CCDC171: variants seen among roughly 807,000 people sequenced by gnomAD.
CCDC171 encodes the protein coiled-coil domain-containing protein 171.
Under a neutral mutation model 168.2 loss-of-function variants are expected in CCDC171, and 177 were observed. The ratio of observed to expected loss-of-function variants is 1.05; its 90% CI spans 0.93 to 1.19. The LOEUF is 1.19. CCDC171 is among the 50% of genes most tolerant of loss of function. The pLI, the probability that CCDC171 is intolerant of heterozygous loss-of-function variation, is 0.00. For synonymous variants in CCDC171, 687 were observed against 540.8 expected (o/e 1.27, Z -3.75); for missense variants, 1,991 against 1,539.0 (o/e 1.29, Z -4.91).
At chr9:15,556,072 C>G (rs2038771746) in intron 1 of CCDC171, among the ~76,000 whole-genome samples, 1 of 152,152 alleles carries the variant, frequency 6.6e-6, no homozygotes. Flanking sequence ...TTTTCTTAAT[C>G]CAGTCTATCA....
intron 11 of CCDC171, among the ~76,000 whole-genome samples, chr9:15,701,704 A>T (rs186747997): frequency 6.6e-6 from 1 of 151,944 alleles, no homozygotes; most frequent in Non-Finnish European, 1.5e-5. Flanking sequence ...ATTGAGGTCA[A>T]TTGTCTCAGA....
intron 9 of CCDC171, among the ~76,000 whole-genome samples, chr9:15,673,742 C>T (rs1198477257): frequency 2.0e-5 from 3 of 152,120 alleles, no homozygotes; most frequent in Non-Finnish European, 4.4e-5. Flanking sequence ...CTGCTGGATT[C>T]AGTTTGCCAG....
intron 24 of CCDC171, among the ~76,000 whole-genome samples, chr9:15,882,860 ATTTG>A (rs1226744935): frequency 8.0e-6 from 1 of 125,542 alleles, no homozygotes; most frequent in Non-Finnish European, 1.8e-5. Flanking sequence ...TAGGTTTTTT[ATTTG>A]TTTGTTTGAT....
chr9:15,755,645 T>C (rs1193055841), intron 18 of CCDC171, among the ~76,000 whole-genome samples: 2 of 152,186 alleles, frequency 1.3e-5, no homozygotes, highest in African/African-American at 4.8e-5. Flanking sequence ...TGCTACATGC[T>C]ATAATGTGAA....
At chr9:15,692,331 C>G (rs1347716371) in intron 10 of CCDC171, among the ~76,000 whole-genome samples, 1 of 150,912 alleles carries the variant, frequency 6.6e-6, no homozygotes, top group Non-Finnish European at 1.5e-5. Flanking sequence ...CGAGATTGTT[C>G]TACAACCTGG....
chr9:15,671,979 A>G (rs1421440043), intron 9 of CCDC171, among the ~76,000 whole-genome samples: 4 of 152,172 alleles, frequency 2.6e-5, no homozygotes, highest in Admixed American at 2.0e-4. Context: ...GTGTCAAAGC[A>G]TTCCTATTTC....
intron 25 of CCDC171, among the ~76,000 whole-genome samples, chr9:15,948,960 A>G (rs954099635): frequency 6.6e-6 from 1 of 152,176 alleles, no homozygotes; most frequent in Admixed American, 6.5e-5. Context: ...TTTTAGGTCT[A>G]ACATTTAAGT....
intron 4 of CCDC171, among the ~76,000 whole-genome samples, chr9:15,585,961 G>C (rs1434204505): frequency 2.0e-5 from 3 of 152,138 alleles, no homozygotes; most frequent in Non-Finnish European, 4.4e-5. Flanking sequence ...GGATGACAGA[G>C]TGAGACTCTG....
chr9:15,689,790 T>C (rs1187243769), intron 10 of CCDC171, among the ~76,000 whole-genome samples: 2 of 152,178 alleles, frequency 1.3e-5, no homozygotes, highest in African/African-American at 4.8e-5. Context: ...CACGTTCCAA[T>C]TTTAAAGCTA....
At chr9:16,033,746 A>G (rs1235143037) in intron 6 of CCDC171, among the ~76,000 whole-genome samples, 1 of 151,768 alleles carries the variant, frequency 6.6e-6, no homozygotes, top group Non-Finnish European at 1.5e-5. Context: ...TGGTGCCGAA[A>G]AGGTTGGGGA....
intron 16 of CCDC171, among the ~76,000 whole-genome samples, chr9:15,736,370 A>G (rs1197691636): frequency 6.7e-6 from 1 of 149,256 alleles, no homozygotes. Context: ...TTTTTTTTGG[A>G]GCTAGTACCT....
intron 7 of CCDC171, among the ~76,000 whole-genome samples, chr9:15,628,738 C>G (rs1008758020): frequency 1.3e-5 from 2 of 152,198 alleles, no homozygotes; most frequent in African/African-American, 4.8e-5. Context: ...CAAGTGGGTC[C>G]CTGACCCCTG....
At chr9:15,603,837 C>T (rs1338640807) in intron 6 of CCDC171, among the ~76,000 whole-genome samples, 2 of 152,152 alleles carry the variant, frequency 1.3e-5, no homozygotes, top group African/African-American at 4.8e-5. Context: ...CACTGTCTTC[C>T]ACAATGGTTG....
At chr9:15,720,109 G>C (rs572296723) in intron 11 of CCDC171, among the ~76,000 whole-genome samples, 26 of 146,212 alleles carry the variant, frequency 1.8e-4, no homozygotes, top group Middle Eastern at 7.1e-3. Context: ...AAACCAAGTT[G>C]TACCCATATA....
At chr9:15,996,128 T>C (rs992093275) in intron 3 of CCDC171, among the ~76,000 whole-genome samples, 5 of 152,238 alleles carry the variant, frequency 3.3e-5, no homozygotes, top group Non-Finnish European at 7.3e-5. Flanking sequence ...AAATGATTCC[T>C]CTTTTTCTTA....
At chr9:16,001,164 A>G (rs953383297) in intron 3 of CCDC171, among the ~76,000 whole-genome samples, 3 of 152,200 alleles carry the variant, frequency 2.0e-5, no homozygotes, top group African/African-American at 4.8e-5. Flanking sequence ...GAAAATCAAG[A>G]TAGGAACCAA....
At chr9:15,780,276 T>A (rs2057594640) in intron 20 of CCDC171, among the ~76,000 whole-genome samples, 1 of 152,208 alleles carries the variant, frequency 6.6e-6, no homozygotes, top group African/African-American at 2.4e-5. Flanking sequence ...TTCCTTCTCT[T>A]AGTTTTTTGC....
intron 6 of CCDC171, among the ~76,000 whole-genome samples, chr9:15,601,658 A>G (rs1240786993): frequency 1.3e-5 from 2 of 152,228 alleles, no homozygotes; most frequent in Non-Finnish European, 2.9e-5. Context: ...TTGTTTGATA[A>G]AATTTTAAAT....
At chr9:15,875,716 T>C (rs1813633160) in intron 24 of CCDC171, 1 of 152,026 alleles carries the variant, frequency 6.6e-6, no homozygotes, top group South Asian at 2.1e-4. Context: ...TAATTTTTTA[T>C]ATGCTCCATA....
Sources: allele counts gnomAD v4.1 joint callset (sites outside exome capture counted in the v4.1 genomes callset), GRCh38; gene constraint gnomAD v4.1.1; transcripts MANE v1.5; gene names NCBI Gene and HGNC (gene_info 2026-07-23, HGNC 2026-07-21).